Variants in CELSR1 observed in about 807,000 individuals in gnomAD.
CELSR1 encodes the protein adhesion G protein-coupled receptor C1.
A neutral mutation model predicts 249.1 loss-of-function variants in CELSR1; 110 were observed. The observed-to-expected ratio is 0.44, with a 90% CI of 0.38 to 0.52. The LOEUF is 0.52. Among genes scored for constraint, CELSR1 ranks in the 20% least tolerant of loss-of-function variants. The pLI is 0.00. For synonymous variants in CELSR1, 2,113 were observed against 1,900.0 expected (o/e 1.11, Z -2.92); for missense variants, 4,109 against 4,296.4 (o/e 0.96, Z 1.22).
intron 12 of CELSR1, among the ~76,000 whole-genome samples, chr22:46,397,276 GCT>G (rs2079158266): frequency 1.1e-5 from 1 of 91,250 alleles, no homozygotes; most frequent in Non-Finnish European, 2.1e-5. Flanking sequence ...GCTAATTTTT[GCT>G]TTTTTTTTTT....
Position 46,436,731 on chromosome 22 carries a change from T to C in CELSR1, c.4407-442A>G, listed in dbSNP as rs1014050383. ...ATGGAAGGACCATTCTTATGGCCTC[T>C]CCCCCCGGCACTCAGCCACAATAGC... On this transcript the variant is annotated intron_variant, in intron 3 of 34. Transcript: ENST00000674500. The surrounding 1 kb of genome is among the most constrained non-coding windows in gnomAD (Gnocchi z 5.9). Among the ~76,000 whole-genome samples the C allele has an allele frequency of 4.6e-5, 7 of 151,692 alleles. No individual in the cohort carries two copies. Among genetic ancestry groups the C allele is most frequent in the African/African-American group, 1.7e-4 (7 of 41,190 alleles).
Position 46,473,276 on chromosome 22 carries a change from G to A in CELSR1, c.3545-8931C>T, listed in dbSNP as rs1022663692. Among the ~76,000 whole-genome samples the A allele has an allele frequency of 2.6e-5, 4 of 152,168 alleles. No individual in the cohort carries two copies. The highest frequency in any genetic ancestry group is 5.9e-5 in the Non-Finnish European group (4 of 68,036). On this transcript the variant is annotated intron_variant, in intron 1 of 34. Transcript: ENST00000674500. This position sits in a 1 kb window ranked among gnomAD's most constrained non-coding sequence, Gnocchi z 6.6. ...AAGGTGACTCGGGCTGAGTGGCGGGGCCCAGATTAACCTGAGGCCAAGTCC... is the reference window on the plus strand; with the variant it reads ...AAGGTGACTCGGGCTGAGTGGCGGGACCCAGATTAACCTGAGGCCAAGTCC...
chr22:46,504,613 C>A (rs1268524794), intron 1 of CELSR1, among the ~76,000 whole-genome samples: 1 of 151,780 alleles, frequency 6.6e-6, no homozygotes, highest in Non-Finnish European at 1.5e-5. Flanking sequence ...TTTATTTTTA[C>A]CTACAGGATT....
Position 46,472,870 on chromosome 22 carries a change from C to A in CELSR1, c.3545-8525G>T, listed in dbSNP as rs560070121. Among the ~76,000 whole-genome samples the A allele has an allele frequency of 1.3e-5, 2 of 152,280 alleles. No homozygotes were observed. Among genetic ancestry groups the A allele is most frequent in the Admixed American group, 1.3e-4 (2 of 15,294 alleles). On this transcript the variant is annotated intron_variant, in intron 1 of 34. Coordinates refer to ENST00000674500, the MANE Select transcript of CELSR1 (RefSeq NM_001378328.1). The surrounding 1 kb of genome is among the most constrained non-coding windows in gnomAD (Gnocchi z 7.0). Reference sequence around the variant, plus strand: ...CTGCCTCTGCGCCAAGTGGCTATGGCTCTCCCTGTGTCGTCACGGCTCTGT... The same window carrying A: ...CTGCCTCTGCGCCAAGTGGCTATGGATCTCCCTGTGTCGTCACGGCTCTGT...
intron 5 of CELSR1, among the ~76,000 whole-genome samples, chr22:46,426,729 A>G (rs1321364692): frequency 6.6e-6 from 1 of 152,170 alleles, no homozygotes; most frequent in Non-Finnish European, 1.5e-5. Context: ...CATGAGGGTG[A>G]GCCCCTCAAG....
At chr22:46,470,261 T>G (rs1431854777) in intron 1 of CELSR1, among the ~76,000 whole-genome samples, 1 of 151,770 alleles carries the variant, frequency 6.6e-6, no homozygotes, top group African/African-American at 2.4e-5. Flanking sequence ...ACACTGATTT[T>G]AACCAGGAAA....
intron 1 of CELSR1, among the ~76,000 whole-genome samples, chr22:46,520,543 C>T (rs1747846971): frequency 6.6e-6 from 1 of 152,166 alleles, no homozygotes; most frequent in African/African-American, 2.4e-5. Context: ...TCACTGCAAT[C>T]TCCTCCTCCC....
chr22:46,508,136 G>A (rs916239006), intron 1 of CELSR1, among the ~76,000 whole-genome samples: 1 of 152,136 alleles, frequency 6.6e-6, no homozygotes, highest in African/African-American at 2.4e-5. Context: ...CCCTGCAGGC[G>A]TAGACCCCCT....
rs369367581 is a variant in CELSR1 at position 46,393,051 on chromosome 22, T to TG, written c.5964+1090dup. ...TTGCTGTTGGAACCACCGCAGGCACTGGGGGGGGACACTACTGACATCACG... is the reference window on the plus strand; with the variant it reads ...TTGCTGTTGGAACCACCGCAGGCACTGGGGGGGGGACACTACTGACATCACG... On this transcript the variant is annotated intron_variant, in intron 14 of 34. Coordinates refer to ENST00000674500, the MANE Select transcript of CELSR1 (RefSeq NM_001378328.1). The surrounding 1 kb of genome is among the most constrained non-coding windows in gnomAD (Gnocchi z 4.1). Among the ~76,000 whole-genome samples, 43 of 151,824 alleles carry TG rather than the reference T, an allele frequency of 2.8e-4. No homozygotes were observed. Among genetic ancestry groups the TG allele is most frequent in the East Asian group, 7.7e-4 (4 of 5,172 alleles).
Position 46,506,871 on chromosome 22 carries a change from A to C in CELSR1, c.3544+26756T>G, listed in dbSNP as rs1304701403. 6.6e-6 allele frequency among the ~76,000 whole-genome samples: 1 copy of C among 152,184 alleles called. No homozygotes were observed. The highest frequency in any genetic ancestry group is 2.4e-5 in the African/African-American group (1 of 41,454). The stretch of plus-strand genomic sequence containing the variant: ...CCCGCACCACCAGGACACAGCCTGC[A>C]CACACAGGAAGTCCTTTTTTCCAAC... On this transcript the variant is annotated intron_variant, in intron 1 of 34. Coordinates refer to ENST00000674500, the MANE Select transcript of CELSR1 (RefSeq NM_001378328.1). This position sits in a 1 kb window ranked among gnomAD's most constrained non-coding sequence, Gnocchi z 4.1.
Position 46,391,706 on chromosome 22 carries a change from C to G in CELSR1, c.6075G>C (p.Lys2025Asn). ...CDMATGQCAC[K>N]PGVIGRQCNR... ...TGCACTGGCGGCCGATGACGCCGGG[C>G]TTGCAGGCACACTGCCCGGTGGCCA... Residue 2025 changes from lysine to asparagine, a missense_variant, in exon 15 of 35, where the codon AAG (lysine) becomes AAC (asparagine). Physicochemically the swap from Lys to Asn is moderately conservative, Grantham distance 94 (BLOSUM62 0). Coordinates refer to ENST00000674500, the MANE Select transcript of CELSR1 (RefSeq NM_001378328.1). The surrounding 1 kb of genome is among the most constrained non-coding windows in gnomAD (Gnocchi z 4.3). 6.2e-7 allele frequency: 1 copy of G among 1,611,164 alleles called. No homozygotes were observed. Among genetic ancestry groups the G allele is most frequent in the African/African-American group, 1.3e-5 (1 of 75,018 alleles).
chr22:46,504,504 CAAAAAAAAAAA>C (rs11341314), intron 1 of CELSR1, among the ~76,000 whole-genome samples: 1 of 109,292 alleles, frequency 9.1e-6, no homozygotes. Flanking sequence ...CATCTGTCTC[CAAAAAAAAAAA>C]AAAAACAAAA....
At chr22:46,382,778 C>T (rs1027451584) in intron 20 of CELSR1, among the ~76,000 whole-genome samples, 1 of 152,100 alleles carries the variant, frequency 6.6e-6, no homozygotes. Flanking sequence ...ACATTAGGCT[C>T]GGTGAAATAA....
At chr22:46,533,596 A>C in intron 1 of CELSR1, 31 bp downstream of exon 1, 1 of 1,524,266 alleles carries the variant, frequency 6.6e-7, no homozygotes, top group Non-Finnish European at 8.8e-7. Flanking sequence ...GCCCATCAGG[A>C]GCTACTCCTC....
chr22:46,526,654 G>A lies in CELSR1; in HGVS notation c.3544+6973C>T, dbSNP rs12157660. Among the ~76,000 whole-genome samples the A allele has an allele frequency of 0.014, 2,175 of 152,230 alleles. 70 individuals carry two copies. The highest frequency in any genetic ancestry group is 0.051 in the African/African-American group (2,102 of 41,528). The stretch of plus-strand genomic sequence containing the variant: ...CACTCGCCCTCCCTCAGCCTCCAGG[G>A]CCTGCACCCGTGGGCCCTCCCCTGC... On this transcript the variant is annotated intron_variant, in intron 1 of 34. Transcript: ENST00000674500. The surrounding 1 kb of genome is among the most constrained non-coding windows in gnomAD (Gnocchi z 4.7).
chr22:46,480,903 G>A (rs1436132023), intron 1 of CELSR1, among the ~76,000 whole-genome samples: 1 of 152,118 alleles, frequency 6.6e-6, no homozygotes, highest in Non-Finnish European at 1.5e-5. Context: ...TTACACTTAC[G>A]ACCATCCTTC....
chr22:46,407,286 TAC>T lies in CELSR1; in HGVS notation c.5226+1708_5226+1709del, dbSNP rs2079277216. 6.6e-6 allele frequency among the ~76,000 whole-genome samples: 1 copy of T among 151,986 alleles called. No homozygotes were observed. Among genetic ancestry groups the T allele is most frequent in the African/African-American group, 2.4e-5 (1 of 41,346 alleles). ...ATGTGCACGCATGGAGAGATGCACA[TAC>T]ACAGACTGACATGCACACACACTTG... On this transcript the variant is annotated intron_variant, in intron 9 of 34. Transcript: ENST00000674500. This position sits in a 1 kb window ranked among gnomAD's most constrained non-coding sequence, Gnocchi z 4.8.
At chr22:46,442,708 G>T (rs1474035126) in intron 2 of CELSR1, among the ~76,000 whole-genome samples, 1 of 152,220 alleles carries the variant, frequency 6.6e-6, no homozygotes, top group African/African-American at 2.4e-5. Context: ...ACAATCATCA[G>T]AGGTAAATGG....
At chr22:46,459,623 G>A (rs1296541845) in intron 2 of CELSR1, among the ~76,000 whole-genome samples, 7 of 152,202 alleles carry the variant, frequency 4.6e-5, no homozygotes, top group Non-Finnish European at 1.0e-4. Flanking sequence ...CTTCTCTGCC[G>A]TGGGGCGGCC....
Sources: gnomAD v4.1 joint callset for allele counts (sites outside exome capture counted in the v4.1 genomes callset) on GRCh38, gnomAD v4.1.1 for gene constraint, Gnocchi (gnomAD v3.1) non-coding constraint, MANE v1.5 for transcripts, NCBI Gene and HGNC (gene_info 2026-07-23, HGNC 2026-07-21) for gene names.